The following EHMT1 variants were observed in gnomAD, a reference collection of about 807,000 sequenced individuals.
EHMT1 encodes histone-lysine N-methyltransferase EHMT1.
A neutral mutation model predicts 147.2 loss-of-function variants in EHMT1; 15 were observed. The ratio of observed to expected loss-of-function variants is 0.10; its 90% CI spans 0.07 to 0.16. The LOEUF is 0.16. Among genes scored for constraint, EHMT1 ranks in the 10% least tolerant of loss-of-function variants. EHMT1 has a pLI of 1.00. For synonymous variants in EHMT1, 795 were observed against 709.6 expected, an observed-to-expected ratio of 1.12 and a Z score of -1.91; for missense variants, 1,587 against 1,772.4, an observed-to-expected ratio of 0.90 and a Z score of 1.88.
In EHMT1 at chr9:137,828,954, C is replaced by T. The variant is rs1407192387; in HGVS notation, c.3541-5395C>T. 1.3e-5 allele frequency among the ~76,000 whole-genome samples: 2 copies of T among 152,256 alleles called. No individual in the cohort carries two copies. The highest frequency in any genetic ancestry group is 2.4e-5 in the African/African-American group (1 of 41,558). On this transcript the variant is annotated intron_variant, in intron 25 of 26. Transcript: ENST00000460843. The surrounding 1 kb of genome is among the most constrained non-coding windows in gnomAD (Gnocchi z 5.3). ...AGATGGGCCTGGCCCTCCCAGATGG[C>T]CTCTTTTGCCTCTGGCGAAGTGAAG...
At chr9:137,706,043 G>T (rs1046188255) in intron 1 of EHMT1, among the ~76,000 whole-genome samples, 8 of 146,188 alleles carry the variant, frequency 5.5e-5, no homozygotes, top group African/African-American at 2.0e-4. Context: ...TGCCTTGTGC[G>T]TTGGGGGGTT....
At chr9:137,741,810 G>T (rs1213741164) in intron 4 of EHMT1, among the ~76,000 whole-genome samples, 1 of 152,170 alleles carries the variant, frequency 6.6e-6, no homozygotes, top group South Asian at 2.1e-4. Context: ...AATTCTGCTT[G>T]TAAGTGGACC....
intron 2 of EHMT1, among the ~76,000 whole-genome samples, chr9:137,713,913 G>A (rs1944968704): frequency 6.6e-6 from 1 of 152,080 alleles, no homozygotes; most frequent in African/African-American, 2.4e-5. Context: ...TCATGCCATT[G>A]CACTCCAGCC....
rs1233665541 is a variant in EHMT1, at chr9:137,787,655, C to T, written c.2383-3193C>T. On this transcript the variant is annotated intron_variant, in intron 15 of 26. Transcript: ENST00000460843. The surrounding 1 kb of genome is among the most constrained non-coding windows in gnomAD (Gnocchi z 4.2). Reference sequence around the variant, plus strand: ...GAAGCGGGAGGGAGGAGGGGCCTGTCTTAAGAGCCTCACAGGCTGCACCGG... The same window carrying T: ...GAAGCGGGAGGGAGGAGGGGCCTGTTTTAAGAGCCTCACAGGCTGCACCGG... 2 of 608,978 alleles carry T rather than the reference C, an allele frequency of 3.3e-6. No homozygotes were observed. Among genetic ancestry groups the T allele is most frequent in the East Asian group, 5.6e-5 (2 of 35,406 alleles). 37.7% of individuals were successfully genotyped at this position (608,978 alleles called of 1,614,324 possible).
At chr9:137,710,157 T>TA (rs59906024) in intron 1 of EHMT1, among the ~76,000 whole-genome samples, 7,914 of 137,992 alleles carry the variant, frequency 0.057, 300 homozygotes, top group African/African-American at 0.13. Context: ...GATTTTTGTG[T>TA]AAAAAAAAAA....
chr9:137,824,350 A>G (rs1588903545), intron 25 of EHMT1, among the ~76,000 whole-genome samples: 2 of 152,306 alleles, frequency 1.3e-5, no homozygotes, highest in South Asian at 4.1e-4. Context: ...CGTCTGGACC[A>G]TGTTTTGTTC....
intron 16 of EHMT1, among the ~76,000 whole-genome samples, chr9:137,794,266 T>C (rs1952737336): frequency 6.6e-6 from 1 of 152,228 alleles, no homozygotes. Flanking sequence ...TTATAAACAA[T>C]GTTTCAGTAA....
Position 137,743,966 on chromosome 9 carries a change from A to G in EHMT1, c.1046A>G (p.Asp349Gly). The G allele has an allele frequency of 3.7e-6, 6 of 1,613,900 alleles. No individual in the cohort carries two copies. The highest frequency in any genetic ancestry group is 5.1e-6 in the Non-Finnish European group (6 of 1,179,940). Residue 349 changes from aspartate to glycine, a missense_variant, in exon 6 of 27, where the codon GAT becomes GGT. Asp to Gly is a moderately conservative substitution (Grantham distance 94). Coordinates refer to ENST00000460843, the MANE Select transcript of EHMT1 (RefSeq NM_024757.5). The part of the protein sequence containing the change: ...VNGESLEMDS[D>G]EDDSEELEED... ...GGGGAGAGCCTGGAGATGGACTCGGATGAGGACGACTCAGAGGAGCTCGAG... is the reference window on the plus strand; with the variant it reads ...GGGGAGAGCCTGGAGATGGACTCGGGTGAGGACGACTCAGAGGAGCTCGAG...
At chr9:137,636,401 T>C (rs1482358047) in intron 1 of EHMT1, among the ~76,000 whole-genome samples, 1 of 152,228 alleles carries the variant, frequency 6.6e-6, no homozygotes, top group Non-Finnish European at 1.5e-5. Context: ...CACTTTTTTG[T>C]CCTTCCCTAA....
intron 1 of EHMT1, among the ~76,000 whole-genome samples, chr9:137,668,621 C>T (rs1410712602): frequency 1.3e-5 from 2 of 152,184 alleles, no homozygotes; most frequent in African/African-American, 4.8e-5. Flanking sequence ...CCCGTGTCCC[C>T]CACTCCCCCA....
At position 137,779,533 on chromosome 9, in the gene EHMT1, C is replaced by A. The variant is rs1022728204; in HGVS notation, c.2193-102C>A. The A allele has an allele frequency of 1.4e-4, 181 of 1,264,584 alleles. 1 individual carries two copies. Among genetic ancestry groups the A allele is most frequent in the Middle Eastern group, 2.4e-4 (1 of 4,220 alleles). The allele number at this position is 1,264,584 out of a possible 1,614,324, so 78.3% of individuals were successfully genotyped here. A position where few individuals can be genotyped will look rare whatever the true frequency, so the allele number is the denominator to read the frequency against. ...TGTGTGGGACGCGGAGCCCCATGAG[C>A]TTGAGGGGCTGGTGGGGAGATGTCC... On this transcript the variant is annotated intron_variant, in intron 13 of 26. Transcript: ENST00000460843.
chr9:137,654,965 G>A (rs952187665), intron 1 of EHMT1, among the ~76,000 whole-genome samples: 1 of 152,048 alleles, frequency 6.6e-6, no homozygotes, highest in Non-Finnish European at 1.5e-5. Context: ...ACTGCAGCAG[G>A]AAGGTACCAG....
chr9:137,834,475 C>T lies in EHMT1; in HGVS notation c.3667C>T (p.Arg1223Trp), dbSNP rs1956459070. 6.2e-7 allele frequency: 1 copy of T among 1,612,786 alleles called. No homozygotes were observed. Among genetic ancestry groups the T allele is most frequent in the Non-Finnish European group, 8.5e-7 (1 of 1,179,804 alleles). The change falls in exon 26 of 27, where the codon CGG (arginine) becomes TGG (tryptophan). Residue 1223 changes from arginine (R) to tryptophan (W), a missense_variant. Arg to Trp is a moderately radical substitution (Grantham distance 101). Coordinates refer to ENST00000460843, the MANE Select transcript of EHMT1 (RefSeq NM_024757.5). ...FMAHQDLRFP[R>W]IAFFSTRLIE... The stretch of plus-strand genomic sequence containing the variant: ...GGCCCACCAGGACCTGCGGTTCCCC[C>T]GGATCGCCTTCTTCAGCACCCGCCT...
Position 137,834,960 on chromosome 9 carries a change from G to A in EHMT1, c.*7G>A, listed in dbSNP as rs1444871117. On this transcript the variant is annotated 3_prime_UTR_variant, in exon 27 of 27. Coordinates refer to ENST00000460843, the MANE Select transcript of EHMT1 (RefSeq NM_024757.5). ...TGCCGCCGACCCCCTATGAGACGCC[G>A]CCGGCCAGCGGGGCGCTCGGGAGCC... 1.4e-6 allele frequency: 2 copies of A among 1,415,944 alleles called. No individual in the cohort carries two copies. Among genetic ancestry groups the A allele is most frequent in the Non-Finnish European group, 1.8e-6 (2 of 1,093,638 alleles). 87.7% of individuals were successfully genotyped at this position (1,415,944 alleles called of 1,614,324 possible). A position where few individuals can be genotyped will look rare whatever the true frequency, so the allele number is the denominator to read the frequency against.
At chr9:137,710,474 C>CA (rs987231996) in intron 1 of EHMT1, among the ~76,000 whole-genome samples, 13 of 152,002 alleles carry the variant, frequency 8.6e-5, no homozygotes, top group Non-Finnish European at 1.6e-4. Flanking sequence ...TCTGTCTCAA[C>CA]AAAAAAATTG....
intron 4 of EHMT1, among the ~76,000 whole-genome samples, chr9:137,736,549 A>T (rs1006468414): frequency 6.6e-6 from 1 of 152,248 alleles, no homozygotes; most frequent in East Asian, 1.9e-4. Flanking sequence ...ACTTTCTAGG[A>T]TCGACCATAT....
At chr9:137,818,184 T>G (rs1955077329) in intron 25 of EHMT1, 46 bp downstream of exon 25, 1 of 1,595,842 alleles carries the variant, frequency 6.3e-7, no homozygotes, top group Non-Finnish European at 8.6e-7. Flanking sequence ...TTGTGAACTG[T>G]AAAACCTGAA....
intron 1 of EHMT1, among the ~76,000 whole-genome samples, chr9:137,669,469 C>CG (rs1940230246): frequency 7.1e-6 from 1 of 140,342 alleles, no homozygotes; most frequent in African/African-American, 2.7e-5. Context: ...CCACCCAAGA[C>CG]GCCCCCCACA....
At chr9:137,669,313 G>C in intron 1 of EHMT1, among the ~76,000 whole-genome samples, 1 of 33,934 alleles carries the variant, frequency 2.9e-5, no homozygotes, top group Non-Finnish European at 5.9e-5. Context: ...GAGGACCCCT[G>C]GAAAGACGCC....
Sources: allele counts gnomAD v4.1 joint callset (sites outside exome capture counted in the v4.1 genomes callset), GRCh38; gene constraint gnomAD v4.1.1; non-coding constraint Gnocchi (gnomAD v3.1); transcripts MANE v1.5; gene names NCBI Gene and HGNC (gene_info 2026-07-23, HGNC 2026-07-21).